MRPL40: variants seen among roughly 807,000 people sequenced by gnomAD.
The protein encoded by MRPL40 is mitochondrial ribosomal protein L40.
Under a neutral mutation model 24.5 loss-of-function variants are expected in MRPL40, and 18 were observed. That is an observed-to-expected ratio of 0.73 (90% CI 0.51 to 1.09). The LOEUF (loss-of-function observed/expected upper bound fraction) is 1.09. MRPL40 is among the 50% of genes least tolerant of loss of function. The pLI is 0.00. For missense variants in MRPL40, 256 were observed against 243.8 expected (o/e 1.05, Z -0.33); for synonymous variants, 108 against 94.6 (o/e 1.14, Z -0.82).
At chr22:19,433,044 G>A (rs2089558239) in intron 1 of MRPL40, 5 of 529,112 alleles carry the variant, frequency 9.4e-6, no homozygotes, top group South Asian at 8.5e-5. Context: ...GTTCTGCCCC[G>A]GCCTCCCGAG....
intron 3 of MRPL40, 56 bp from the exon 4 acceptor site, chr22:19,435,582 G>A: frequency 6.8e-7 from 1 of 1,479,392 alleles, no homozygotes; most frequent in Non-Finnish European, 9.2e-7. Flanking sequence ...ACTTGTGTCA[G>A]TTGCAGTCAC....
chr22:19,433,929 ATTTTTGTG>A (rs1355782713), intron 2 of MRPL40, among the ~76,000 whole-genome samples: 1 of 151,756 alleles, frequency 6.6e-6, no homozygotes, highest in African/African-American at 2.4e-5. Flanking sequence ...CGCCCGGCTA[ATTTTTGTG>A]TTTTTAGTAG....
At chr22:19,432,973 A>G in intron 1 of MRPL40, 5 of 928,492 alleles carry the variant, frequency 5.4e-6, no homozygotes, top group Non-Finnish European at 7.1e-6. Context: ...TCTGTCGCCC[A>G]GGCTGGAGTG....
rs1460084279 is a variant in MRPL40, at chr22:19,435,950, G to C, written c.609G>C (p.Glu203Asp). 3 of 1,612,840 alleles carry C rather than the reference G, an allele frequency of 1.9e-6. No homozygotes were observed. ...NDITKVYTQV[E>D]FKR ...TCACCAAGGTGTACACACAAGTGGA[G>C]TTTAAGAGATAGACTTGCAGGCTGC... The change falls in exon 4 of 4, where the codon GAG (glutamate) becomes GAC (aspartate). Residue 203 changes from glutamate to aspartate, a missense_variant. By Grantham distance (45) the Glu-to-Asp change is conservative. Transcript: ENST00000333130.
Position 19,435,976 on chromosome 22 carries a change from T to C in MRPL40, c.*14T>C. 1 of 1,597,994 alleles carries C rather than the reference T, an allele frequency of 6.3e-7. No individual in the cohort carries two copies. Among genetic ancestry groups the C allele is most frequent in the Non-Finnish European group, 8.6e-7 (1 of 1,168,216 alleles). The stretch of plus-strand genomic sequence containing the variant: ...TTTAAGAGATAGACTTGCAGGCTGC[T>C]ATCCTTAACATGCTGCCCCTGAGAG... On this transcript the variant is annotated 3_prime_UTR_variant, in exon 4 of 4. Coordinates refer to ENST00000333130, the MANE Select transcript of MRPL40 (RefSeq NM_003776.4).
At chr22:19,434,534 A>G (rs1399989592) in intron 2 of MRPL40, among the ~76,000 whole-genome samples, 11 of 151,776 alleles carry the variant, frequency 7.2e-5, no homozygotes, top group Admixed American at 5.9e-4. Flanking sequence ...CTTTTGTACT[A>G]TTTCTTGTAA....
chr22:19,434,953 G>A (rs1219405866), intron 3 of MRPL40, 59 bp downstream of exon 3: 1 of 1,426,412 alleles, frequency 7.0e-7, no homozygotes, highest in Non-Finnish European at 9.5e-7. Flanking sequence ...TCAACTTCAG[G>A]TAGTTGTGTC....
rs1367231513 is a variant in MRPL40, at chr22:19,435,882, C to T, written c.541C>T (p.Pro181Ser). 1.2e-6 allele frequency: 2 copies of T among 1,614,164 alleles called. No individual in the cohort carries two copies. The highest frequency in any genetic ancestry group is 1.7e-6 in the Non-Finnish European group (2 of 1,180,028). The change falls in exon 4 of 4, where the codon CCG becomes TCG. Residue 181 changes from proline (P) to serine (S), a missense_variant. By Grantham distance (74) the Pro-to-Ser change is moderately conservative. Transcript: ENST00000333130. ...GAAGGAAGGGCCACATTACACACCA[C>T]CGATCCCTAACTACCAACCCCCTGA... ...FEKEGPHYTP[P>S]IPNYQPPEGR... is the part of the protein sequence containing the mutation.
chr22:19,432,629 A>T (rs1252727679), intron 1 of MRPL40, 22 bp downstream of exon 1: 3 of 1,545,380 alleles, frequency 1.9e-6, no homozygotes, highest in Non-Finnish European at 1.7e-6. Context: ...CGCTGGCCGG[A>T]TAGCGGAGTG....
chr22:19,434,084 A>G (rs2089569925), intron 2 of MRPL40, among the ~76,000 whole-genome samples: 1 of 150,958 alleles, frequency 6.6e-6, no homozygotes, highest in African/African-American at 2.4e-5. Context: ...ATCAATTTTA[A>G]TAGTAATAAG....
In MRPL40 at chr22:19,434,733, T is replaced by G. The variant is rs1413173666; in HGVS notation, c.138-3T>G. On this transcript the variant is annotated splice_region_variant and splice_polypyrimidine_tract_variant and intron_variant, in intron 2 of 3. Coordinates refer to ENST00000333130, the MANE Select transcript of MRPL40 (RefSeq NM_003776.4). ...AATGTTTAATATTTGCTTTATCTATTAGATCAGAACCTCTTCGAAAAAAGA... is the reference window on the plus strand; with the variant it reads ...AATGTTTAATATTTGCTTTATCTATGAGATCAGAACCTCTTCGAAAAAAGA... The G allele has an allele frequency of 3.8e-6, 6 of 1,579,186 alleles. No individual in the cohort carries two copies.
Position 19,432,868 on chromosome 22 carries a change from A to C in MRPL40, c.53+261A>C, listed in dbSNP as rs1013851120. 2.2e-6 allele frequency: 3 copies of C among 1,341,338 alleles called. No homozygotes were observed. In the African/African-American group the frequency reaches 4.6e-5, roughly 20 times the overall value. The allele number at this position is 1,341,338 out of a possible 1,614,324, so 83.1% of individuals were successfully genotyped here. A position where few individuals can be genotyped will look rare whatever the true frequency, so the allele number is the denominator to read the frequency against. On this transcript the variant is annotated intron_variant, in intron 1 of 3. Transcript: ENST00000333130. ...CCTTGCTGTCATATCAAGTAGTTAG[A>C]AGTGCCCCGGGTTTGGGAGCATTGC...
intron 1 of MRPL40, chr22:19,432,810 G>C: frequency 7.3e-7 from 1 of 1,360,690 alleles, no homozygotes; most frequent in Non-Finnish European, 9.4e-7. Flanking sequence ...TCTGTGGTCT[G>C]AACGAAAGAT....
rs372181046 is a variant in MRPL40, at chr22:19,433,313, G to A, written c.102G>A (p.Ala34=). 1.9e-6 allele frequency: 3 copies of A among 1,612,864 alleles called. No individual in the cohort carries two copies. The highest frequency in any genetic ancestry group is 1.7e-5 in the Admixed American group (1 of 59,970). The part of the protein sequence containing the change: ...QTQLRETHQR[A]SLLSFWELIP... ...AGCTTAGAGAGACTCACCAGCGAGC[G>A]TCATTGTTGTCTTTCTGGGAACTCA... is the stretch of plus-strand genomic sequence containing the variant. Residue 34 remains alanine, a synonymous_variant, in exon 2 of 4, where the codon GCG becomes GCA. Coordinates refer to ENST00000333130, the MANE Select transcript of MRPL40 (RefSeq NM_003776.4).
chr22:19,433,090 C>A (rs774483507), intron 1 of MRPL40, 175 bp from the exon 2 acceptor site: 1 of 516,432 alleles, frequency 1.9e-6, no homozygotes, highest in Non-Finnish European at 3.4e-6. Flanking sequence ...CCACGCCCGG[C>A]TAATTTTTGT....
intron 2 of MRPL40, among the ~76,000 whole-genome samples, chr22:19,434,044 C>T (rs1352131112): frequency 6.6e-6 from 1 of 151,988 alleles, no homozygotes; most frequent in Non-Finnish European, 1.5e-5. Context: ...GCTGGGATTA[C>T]AGGCCTGAGC....
chr22:19,432,593 G>C lies in MRPL40; in HGVS notation c.39G>C (p.Leu13=). ...ASVLRSISLA[L]RPTSGLLGTW... The stretch of plus-strand genomic sequence containing the variant: ...TGCTGCGAAGTATCTCGCTAGCCCT[G>C]CGCCCGACTAGCGGGTGAGTGCGGA... The change falls in exon 1 of 4, where the codon CTG becomes CTC. Residue 13 remains leucine, a synonymous_variant. Coordinates refer to ENST00000333130, the MANE Select transcript of MRPL40 (RefSeq NM_003776.4). 6.4e-7 allele frequency: 1 copy of C among 1,554,474 alleles called. No individual in the cohort carries two copies. The highest frequency in any genetic ancestry group is 8.7e-7 in the Non-Finnish European group (1 of 1,150,450).
intron 1 of MRPL40, 93 bp downstream of exon 1, chr22:19,432,700 G>C (rs556252595): frequency 5.5e-6 from 8 of 1,453,402 alleles, no homozygotes; most frequent in Non-Finnish European, 7.3e-6. Context: ...CTCCCTGCTC[G>C]CCTCCCAGTC....
chr22:19,432,850 G>A (rs2089556335), intron 1 of MRPL40: 2 of 1,352,830 alleles, frequency 1.5e-6, no homozygotes, highest in Non-Finnish European at 9.5e-7. Context: ...TGACCTTGCT[G>A]TCATATCAAG....
Sources: gnomAD v4.1 joint callset for allele counts (sites outside exome capture counted in the v4.1 genomes callset) on GRCh38, gnomAD v4.1.1 for gene constraint, MANE v1.5 for transcripts, NCBI Gene and HGNC (gene_info 2026-07-23, HGNC 2026-07-21) for gene names.